KIF1B: variants seen among roughly 807,000 people sequenced by gnomAD.
The protein encoded by KIF1B is kinesin-like protein KIF1B.
KIF1B carries 76 observed loss-of-function variants against 241.9 expected under a neutral mutation model. The ratio of observed to expected loss-of-function variants is 0.31; its 90% CI spans 0.26 to 0.38. KIF1B has a LOEUF of 0.38. KIF1B is among the 10% of genes least tolerant of loss of function. The pLI, the probability that KIF1B is intolerant of heterozygous loss-of-function variation, is 1.00. For synonymous variants in KIF1B, 750 were observed against 796.7 expected (o/e 0.94, Z 0.99); for missense variants, 1,622 against 2,271.4 (o/e 0.71, Z 5.81).
At chr1:10,340,584 T>C (rs75432511) in intron 32 of KIF1B, among the ~76,000 whole-genome samples, 2,901 of 152,296 alleles carry the variant, frequency 0.019, 42 homozygotes, top group Non-Finnish European at 0.028. Flanking sequence ...CAGTGGCTCA[T>C]ACCTGTCCCG....
intron 1 of KIF1B, among the ~76,000 whole-genome samples, chr1:10,231,983 A>G (rs1388494971): frequency 6.6e-6 from 1 of 152,106 alleles, no homozygotes; most frequent in Non-Finnish European, 1.5e-5. Context: ...GGCCAGGCAC[A>G]GTGGTGTGTG....
intron 34 of KIF1B, among the ~76,000 whole-genome samples, chr1:10,344,286 A>G (rs1652508835): frequency 1.3e-5 from 2 of 152,082 alleles, no homozygotes; most frequent in South Asian, 4.1e-4. Context: ...TACCCAAACG[A>G]GATGGTTAGT....
chr1:10,278,857 G>T, intron 13 of KIF1B: 4 of 442,280 alleles, frequency 9.0e-6, no homozygotes, highest in Non-Finnish European at 8.1e-6. Context: ...TTTTTTTAGT[G>T]TAAAGTTAAA....
chr1:10,297,526 G>T (rs1650328873), intron 22 of KIF1B, among the ~76,000 whole-genome samples: 1 of 152,148 alleles, frequency 6.6e-6, no homozygotes, highest in African/African-American at 2.4e-5. Context: ...TTTTCTGGTA[G>T]CCTTTGCCTC....
chr1:10,279,545 CT>C (rs1344930030), intron 14 of KIF1B, among the ~76,000 whole-genome samples: 1 of 152,052 alleles, frequency 6.6e-6, no homozygotes, highest in African/African-American at 2.4e-5. Flanking sequence ...TATTATGTTC[CT>C]TTTACCAATA....
chr1:10,359,565 T>C (rs1297881108), intron 38 of KIF1B, among the ~76,000 whole-genome samples: 3 of 152,114 alleles, frequency 2.0e-5, no homozygotes, highest in Non-Finnish European at 4.4e-5. Context: ...AACAACAAAA[T>C]AGTTTGTGGG....
At chr1:10,376,420 GAGGACT>G in intron 48 of KIF1B, 119 bp from the exon 49 acceptor site, 1 of 911,536 alleles carries the variant, frequency 1.1e-6, no homozygotes, top group South Asian at 1.3e-5. Flanking sequence ...AGACGGCTTA[GAGGACT>G]AGGCCTGCGG....
intron 37 of KIF1B, among the ~76,000 whole-genome samples, 158 bp from the exon 38 acceptor site, chr1:10,352,473 A>G (rs919797245): frequency 1.3e-5 from 2 of 152,234 alleles, no homozygotes; most frequent in Admixed American, 1.3e-4. Flanking sequence ...CAATGTGGGA[A>G]GTAATGGAGT....
chr1:10,337,562 G>C lies in KIF1B; in HGVS notation c.3422+29G>C. The C allele has an allele frequency of 6.2e-7, 1 of 1,613,722 alleles. No homozygotes were observed. Among genetic ancestry groups the C allele is most frequent in the Non-Finnish European group, 8.5e-7 (1 of 1,179,630 alleles). On this transcript the variant is annotated intron_variant, in intron 31 of 48. Coordinates refer to ENST00000676179, the MANE Select transcript of KIF1B (RefSeq NM_001365951.3). This position sits in a 1 kb window ranked among gnomAD's most constrained non-coding sequence, Gnocchi z 4.0. The stretch of plus-strand genomic sequence containing the variant: ...AGCTGCCCCTTTGCTCTGCCTCCCA[G>C]CTAGCTGCTAACCGAGGTGACATCT...
At chr1:10,361,411 T>A (rs1379822317) in intron 39 of KIF1B, among the ~76,000 whole-genome samples, 1 of 152,224 alleles carries the variant, frequency 6.6e-6, no homozygotes, top group Non-Finnish European at 1.5e-5. Flanking sequence ...ATCCCTGTGC[T>A]GCCACTTACT....
intron 45 of KIF1B, among the ~76,000 whole-genome samples, chr1:10,372,660 AGAGC>A (rs1403246301): frequency 3.4e-5 from 4 of 117,568 alleles, no homozygotes; most frequent in Non-Finnish European, 5.2e-5. Flanking sequence ...CTTGGGTGAC[AGAGC>A]TGTCACCCAA....
Position 10,323,960 on chromosome 1 carries a change from A to G in KIF1B, c.2435A>G (p.Glu812Gly). 6.2e-7 allele frequency: 1 copy of G among 1,614,148 alleles called. No individual in the cohort carries two copies. The highest frequency in any genetic ancestry group is 8.5e-7 in the Non-Finnish European group (1 of 1,179,990). The stretch of plus-strand genomic sequence containing the variant: ...CCTGAATTACTTCCCACTGAGATGG[A>G]AAAAACTCATGAGGACAGGCCTTTC... Reference protein sequence around the residue: ...LPPELLPTEMEKTHEDRPFPR... With the variant: ...LPPELLPTEMGKTHEDRPFPR... The change falls in exon 25 of 49, where the codon GAA becomes GGA. Residue 812 changes from glutamate to glycine, a missense_variant. By Grantham distance (98) the Glu-to-Gly change is moderately conservative (BLOSUM62 -2). Around this residue, in one of 7 missense-constraint regions of KIF1B, gnomAD observed 803 missense variants for 1,112.0 expected, o/e 0.72. Coordinates refer to ENST00000676179, the MANE Select transcript of KIF1B (RefSeq NM_001365951.3).
intron 12 of KIF1B, 60 bp downstream of exon 12, chr1:10,276,459 G>T (rs1353889019): frequency 5.4e-6 from 6 of 1,120,984 alleles, no homozygotes; most frequent in Non-Finnish European, 8.1e-6. Flanking sequence ...GCCATTTTGT[G>T]ATACCATGGA....
intron 8 of KIF1B, among the ~76,000 whole-genome samples, 172 bp from the exon 9 acceptor site, chr1:10,272,067 GTC>G (rs1419829109): frequency 2.0e-5 from 3 of 152,204 alleles, no homozygotes; most frequent in Non-Finnish European, 4.4e-5. Flanking sequence ...TAGGCATGTG[GTC>G]TCAGCATGTT....
rs542473543 is a variant in KIF1B at position 10,346,426 on chromosome 1, G to A, written c.3797+473G>A. ...GTTGCCCAGGCTGGAGTGCAATGGC[G>A]CGATCTCAGCTCACTGCAACCTCTG... On this transcript the variant is annotated intron_variant, in intron 35 of 48. Transcript: ENST00000676179. 3.7e-3 allele frequency among the ~76,000 whole-genome samples: 562 copies of A among 151,930 alleles called. 4 individuals are homozygous for A. The highest frequency in any genetic ancestry group is 0.013 in the African/African-American group (520 of 41,430).
chr1:10,269,413 G>C (rs1465818781), intron 7 of KIF1B, among the ~76,000 whole-genome samples: 1 of 151,878 alleles, frequency 6.6e-6, no homozygotes, highest in African/African-American at 2.4e-5. Flanking sequence ...TGCTCAGGAG[G>C]CTGAGGCAGG....
Position 10,324,892 on chromosome 1 carries a change from G to A in KIF1B, c.2672G>A (p.Gly891Glu). Reference sequence around the variant, plus strand: ...CGGTTCCACTGGTTCAAACTTGTGGGGAGGTATGTGATGATTTTGTTGATG... The same window carrying A: ...CGGTTCCACTGGTTCAAACTTGTGGAGAGGTATGTGATGATTTTGTTGATG... ...YDRFHWFKLV[G>E]SSPIFHGCVN... is the part of the protein sequence containing the mutation. The change falls in exon 26 of 49, where the codon GGG becomes GAG. Residue 891 changes from glycine to glutamate, a missense_variant. Gly to Glu is a moderately conservative substitution (Grantham distance 98). Around this residue, in one of 7 missense-constraint regions of KIF1B, gnomAD observed 803 missense variants for 1,112.0 expected, o/e 0.72. Transcript: ENST00000676179. 14 of 1,613,990 alleles carry A rather than the reference G, an allele frequency of 8.7e-6. No homozygotes were observed. The highest frequency in any genetic ancestry group is 1.1e-5 in the Non-Finnish European group (13 of 1,179,992).
chr1:10,338,095 G>T (rs1364525830), intron 31 of KIF1B, among the ~76,000 whole-genome samples: 1 of 152,056 alleles, frequency 6.6e-6, no homozygotes, highest in Non-Finnish European at 1.5e-5. Context: ...ACTGCCCCAG[G>T]AAAACATTTT....
At chr1:10,217,740 T>A (rs775683076) in intron 1 of KIF1B, among the ~76,000 whole-genome samples, 5 of 152,082 alleles carry the variant, frequency 3.3e-5, no homozygotes, top group Non-Finnish European at 7.4e-5. Context: ...ACCTCATTTA[T>A]GCACCTGCAC....
Sources: allele counts gnomAD v4.1 joint callset (sites outside exome capture counted in the v4.1 genomes callset), GRCh38; gene constraint gnomAD v4.1.1; regional missense constraint gnomAD v4.1.1; non-coding constraint Gnocchi (gnomAD v3.1); transcripts MANE v1.5; gene names NCBI Gene and HGNC (gene_info 2026-07-23, HGNC 2026-07-21).